The following MACF1 variants were observed in gnomAD, a reference collection of about 807,000 sequenced individuals.
MACF1 encodes the protein microtubule-actin cross-linking factor 1.
A neutral mutation model predicts 854.8 loss-of-function variants in MACF1; 193 were observed. The observed-to-expected ratio is 0.23, with a 90% CI of 0.20 to 0.25. The LOEUF (loss-of-function observed/expected upper bound fraction) is 0.25, where lower values mean the gene tolerates loss of function less well. Ranked by LOEUF, MACF1 falls within the 10% of genes least tolerant of loss-of-function variation. MACF1 has a pLI of 1.00. For synonymous variants in MACF1, 3,185 were observed against 3,226.7 expected, an observed-to-expected ratio of 0.99 and a Z score of 0.44; for missense variants, 7,722 against 8,929.1, an observed-to-expected ratio of 0.86 and a Z score of 5.45.
intron 2 of MACF1, among the ~76,000 whole-genome samples, chr1:39,136,013 A>G (rs1319247695): frequency 6.6e-6 from 1 of 152,174 alleles, no homozygotes; most frequent in African/African-American, 2.4e-5. Context: ...TTTAGGATAT[A>G]TGTACCTATA....
At chr1:39,293,339 A>G in intron 17 of MACF1, 119 bp from the exon 18 acceptor site, 1 of 963,660 alleles carries the variant, frequency 1.0e-6, no homozygotes, top group Non-Finnish European at 1.5e-6. Flanking sequence ...CATGGGGAAA[A>G]ATCCAGAGAT....
intron 40 of MACF1, among the ~76,000 whole-genome samples, chr1:39,345,161 G>T (rs1043567982): frequency 2.0e-5 from 3 of 152,210 alleles, no homozygotes; most frequent in African/African-American, 7.2e-5. Context: ...ATCACTAGAT[G>T]TGGGAAGATT....
intron 50 of MACF1, among the ~76,000 whole-genome samples, chr1:39,368,883 GA>G (rs1306216225): frequency 1.3e-5 from 2 of 151,848 alleles, no homozygotes; most frequent in African/African-American, 4.8e-5. Flanking sequence ...AGGCCACTTG[GA>G]CCAAACAGAA....
intron 2 of MACF1, among the ~76,000 whole-genome samples, chr1:39,194,351 CTTTT>C (rs749853544): frequency 2.2e-3 from 79 of 35,534 alleles, no homozygotes; most frequent in African/African-American, 8.8e-3. Flanking sequence ...CTTTTCTTTT[CTTTT>C]TTTTTTTTTT....
In MACF1 at chr1:39,388,521, C is replaced by T; in HGVS notation, c.15679C>T (p.Leu5227=). The T allele has an allele frequency of 6.2e-7, 1 of 1,614,132 alleles. No individual in the cohort carries two copies. The highest frequency in any genetic ancestry group is 8.5e-7 in the Non-Finnish European group (1 of 1,180,040). Reference sequence around the variant, plus strand: ...TCGTCAGGAACAGCTGGAACTGACACTAGGCCGTGTAGAGGACTTCTACAG... The same window carrying T: ...TCGTCAGGAACAGCTGGAACTGACATTAGGCCGTGTAGAGGACTTCTACAG... ...KARQEQLELT[L]GRVEDFYRKL... The change falls in exon 58 of 101, where the codon CTA becomes TTA. Residue 5227 remains leucine, a synonymous_variant. Transcript: ENST00000564288.
chr1:39,444,332 T>C (rs1156743405), intron 79 of MACF1, among the ~76,000 whole-genome samples: 1 of 151,080 alleles, frequency 6.6e-6, no homozygotes, highest in African/African-American at 2.4e-5. Flanking sequence ...TGAGACTCCA[T>C]CTCAAAAAAA....
intron 58 of MACF1, chr1:39,411,533 C>T (rs750867654): frequency 6.2e-6 from 10 of 1,613,710 alleles, no homozygotes; most frequent in South Asian, 1.1e-5. Flanking sequence ...TGTGTTCTTA[C>T]AGGTGAGGAT....
intron 58 of MACF1, among the ~76,000 whole-genome samples, chr1:39,391,721 G>C (rs1038655505): frequency 1.3e-5 from 2 of 152,156 alleles, no homozygotes; most frequent in South Asian, 4.1e-4. Context: ...GATGTTGCTG[G>C]AAGATTTCAA....
intron 4 of MACF1, among the ~76,000 whole-genome samples, chr1:39,252,360 C>G (rs562603995): frequency 5.9e-5 from 9 of 152,116 alleles, no homozygotes; most frequent in African/African-American, 1.9e-4. Context: ...TCTCTGGCCT[C>G]TAGGTTATCA....
chr1:39,382,970 A>C (rs1010858147), intron 56 of MACF1, among the ~76,000 whole-genome samples: 2 of 151,320 alleles, frequency 1.3e-5, no homozygotes, highest in Non-Finnish European at 2.9e-5. Flanking sequence ...AAAATACAAC[A>C]ATTAGCCGGG....
In MACF1 at chr1:39,452,446, A is replaced by T; in HGVS notation, c.20613+96A>T. 3 of 1,306,550 alleles carry T rather than the reference A, an allele frequency of 2.3e-6. No individual in the cohort carries two copies. The South Asian group carries it at 4.3e-5, about 19-fold the overall frequency. 80.9% of individuals were successfully genotyped at this position (1,306,550 alleles called of 1,614,324 possible). On this transcript the variant is annotated intron_variant, in intron 86 of 100. Coordinates refer to ENST00000564288, the MANE Select transcript of MACF1 (RefSeq NM_001394062.1). ...AATCTGTTCCAGTCAGTCTTGAAAT[A>T]AGTATAACAGAGTTGAAAATTGATA...
rs1557657654 is a variant in MACF1, at chr1:39,442,881, G to C, written c.19272G>C (p.Arg6424Ser). 1.2e-6 allele frequency: 2 copies of C among 1,613,966 alleles called. No individual in the cohort carries two copies. The change falls in exon 78 of 101, where the codon AGG becomes AGC. Residue 6424 changes from arginine to serine, a missense_variant. By Grantham distance (110) the Arg-to-Ser change is moderately radical. Around this residue, in one of 15 missense-constraint regions of MACF1, gnomAD observed 729 missense variants for 900.5 expected, o/e 0.81. Transcript: ENST00000564288. Reference sequence around the variant, plus strand: ...CAGTGTTACAGAAAACAGAGGAGAGGGAGCAGCAGCTTCAGTCAACTCTGC... The same window carrying C: ...CAGTGTTACAGAAAACAGAGGAGAGCGAGCAGCAGCTTCAGTCAACTCTGC... Reference protein sequence around the residue: ...WESVLQKTEEREQQLQSTLQQ... With the variant: ...WESVLQKTEESEQQLQSTLQQ...
In MACF1 at chr1:39,232,882, G is replaced by C. The variant is rs1252184256; in HGVS notation, c.171+1639G>C. On this transcript the variant is annotated intron_variant, in intron 2 of 100. Coordinates refer to ENST00000564288, the MANE Select transcript of MACF1 (RefSeq NM_001394062.1). ...ACTGCAGCCCTAACCTCCTGGGCTT[G>C]AGTGATTCTCCCACCTCATCCTCCT... Among the ~76,000 whole-genome samples, 10 of 151,584 alleles carry C rather than the reference G, an allele frequency of 6.6e-5. No individual in the cohort carries two copies. In the East Asian group the frequency reaches 1.4e-3, roughly 21 times the overall value.
intron 2 of MACF1, among the ~76,000 whole-genome samples, chr1:39,127,216 C>CT (rs1411815532): frequency 6.6e-6 from 1 of 152,174 alleles, no homozygotes; most frequent in Non-Finnish European, 1.5e-5. Flanking sequence ...GCGAGAGACT[C>CT]TATCTCAAAA....
Position 39,297,661 on chromosome 1 carries a change from C to A in MACF1, c.2397C>A (p.Asn799Lys). Reference sequence around the variant, plus strand: ...GAGAGCTGGAGTCATTCTTGAGGAACCTCCAAGATTCCATTAAACGAAAAT... The same window carrying A: ...GAGAGCTGGAGTCATTCTTGAGGAAACTCCAAGATTCCATTAAACGAAAAT... ...DARELESFLR[N>K]LQDSIKRKYS... The change falls in exon 21 of 101, where the codon AAC becomes AAA. Residue 799 changes from asparagine (N) to lysine (K), a missense_variant. This residue lies in a region of MACF1 where 1,137 missense variants were observed against 1,263.0 expected (regional missense o/e 0.90). Coordinates refer to ENST00000564288, the MANE Select transcript of MACF1 (RefSeq NM_001394062.1). The A allele has an allele frequency of 6.2e-7, 1 of 1,614,140 alleles. No homozygotes were observed. The highest frequency in any genetic ancestry group is 8.5e-7 in the Non-Finnish European group (1 of 1,180,002).
intron 40 of MACF1, among the ~76,000 whole-genome samples, chr1:39,344,300 C>T (rs1646997991): frequency 6.6e-6 from 1 of 151,494 alleles, no homozygotes; most frequent in Non-Finnish European, 1.5e-5. Context: ...GGCATAGTGG[C>T]AGGCACCTGT....
intron 35 of MACF1, among the ~76,000 whole-genome samples, chr1:39,325,989 T>C (rs1308709896): frequency 1.3e-5 from 2 of 152,096 alleles, no homozygotes; most frequent in Non-Finnish European, 1.5e-5. Context: ...GCAGCCTTAG[T>C]GTAGGAGCAG....
At chr1:39,412,230 T>A (rs1643044254) in intron 58 of MACF1, 10 of 1,614,010 alleles carry the variant, frequency 6.2e-6, no homozygotes, top group Non-Finnish European at 8.5e-6. Flanking sequence ...TCAGTTTTGC[T>A]TTTAATCATG....
At position 39,344,115 on chromosome 1, in the gene MACF1, CA is replaced by C. The variant is rs61427648; in HGVS notation, c.10582-2849del. 3.2e-3 allele frequency among the ~76,000 whole-genome samples: 306 copies of C among 94,598 alleles called. 1 individual carries two copies. The highest frequency in any genetic ancestry group is 3.2e-3 in the Admixed American group (27 of 8,420). The allele number at this position is 94,598 out of a possible 152,430, so 62.1% of individuals were successfully genotyped here. On this transcript the variant is annotated intron_variant, in intron 40 of 100. Transcript: ENST00000564288. ...GGGCAACAAGAGGGAAACTCCATCT[CA>C]AAAAAAAAAAAAGAAAAAAAGTTTT...
Sources: gnomAD v4.1 joint callset for allele counts (sites outside exome capture counted in the v4.1 genomes callset) on GRCh38, gnomAD v4.1.1 for gene constraint, gnomAD v4.1.1 regional missense constraint, MANE v1.5 for transcripts, NCBI Gene and HGNC (gene_info 2026-07-23, HGNC 2026-07-21) for gene names.